The following FNBP1L variants were observed in gnomAD, a reference collection of about 807,000 sequenced individuals.
FNBP1L encodes the protein formin binding protein 1 like, also known as formin-binding protein 1-like.
In FNBP1L, 36 loss-of-function variants were observed where a neutral mutation model predicts 91.2. The ratio of observed to expected loss-of-function variants is 0.39; its 90% CI spans 0.30 to 0.52. The LOEUF (loss-of-function observed/expected upper bound fraction) is 0.52. FNBP1L is among the 20% of genes least tolerant of loss of function. FNBP1L has a pLI of 0.66. For missense variants in FNBP1L, 571 were observed against 732.1 expected (o/e 0.78, Z 2.54); for synonymous variants, 242 against 237.0 (o/e 1.02, Z -0.19).
intron 1 of FNBP1L, among the ~76,000 whole-genome samples, chr1:93,451,334 T>C (rs2101679116): frequency 6.6e-6 from 1 of 152,294 alleles, no homozygotes; most frequent in African/African-American, 2.4e-5. Flanking sequence ...GTTTTACTTA[T>C]TAAGAAATAG....
rs367857719 is a variant in FNBP1L at position 93,537,308 on chromosome 1, G to A, written c.1149+818G>A. On this transcript the variant is annotated intron_variant, in intron 10 of 16. Coordinates refer to ENST00000271234, the MANE Select transcript of FNBP1L (RefSeq NM_001164473.3). The stretch of plus-strand genomic sequence containing the variant: ...GATGAGAAATCAGTCTTTCAATGTC[G>A]TAAGAAGCCTAACAATAATAATCTA... 1.2e-4 allele frequency among the ~76,000 whole-genome samples: 19 copies of A among 152,104 alleles called. 1 individual carries two copies. The South Asian group carries it at 3.1e-3, about 25-fold the overall frequency.
intron 1 of FNBP1L, among the ~76,000 whole-genome samples, chr1:93,469,496 AT>A (rs1300552388): frequency 6.6e-6 from 1 of 152,130 alleles, no homozygotes; most frequent in Non-Finnish European, 1.5e-5. Flanking sequence ...ATTGATGGAC[AT>A]TTGGGTTGGT....
intron 7 of FNBP1L, among the ~76,000 whole-genome samples, chr1:93,531,559 G>A (rs1317666453): frequency 6.6e-6 from 1 of 152,098 alleles, no homozygotes; most frequent in East Asian, 1.9e-4. Context: ...GTGTCAGCCC[G>A]GGTACACTTT....
intron 5 of FNBP1L, among the ~76,000 whole-genome samples, chr1:93,527,495 C>A (rs1019961976): frequency 1.3e-5 from 2 of 152,124 alleles, no homozygotes; most frequent in African/African-American, 4.8e-5. Context: ...TTGAGATCCC[C>A]TGTTTGCTTC....
Position 93,500,402 on chromosome 1 carries a change from A to T in FNBP1L, c.140+819A>T, listed in dbSNP as rs374234986. On this transcript the variant is annotated intron_variant, in intron 2 of 16. Coordinates refer to ENST00000271234, the MANE Select transcript of FNBP1L (RefSeq NM_001164473.3). Reference sequence around the variant, plus strand: ...TTAGCTCTAGGTTTTACATCTTCATACCCCCATATCCTGGAGAAGAATGAT... The same window carrying T: ...TTAGCTCTAGGTTTTACATCTTCATTCCCCCATATCCTGGAGAAGAATGAT... Among the ~76,000 whole-genome samples, 4 of 151,978 alleles carry T rather than the reference A, an allele frequency of 2.6e-5. No individual in the cohort carries two copies. In the East Asian group the frequency reaches 7.7e-4, roughly 29 times the overall value.
At chr1:93,512,254 G>A (rs1670882437) in intron 2 of FNBP1L, among the ~76,000 whole-genome samples, 1 of 151,984 alleles carries the variant, frequency 6.6e-6, no homozygotes, top group Non-Finnish European at 1.5e-5. Flanking sequence ...AAATACAGGA[G>A]CACCCAGATT....
At chr1:93,479,182 C>T (rs1341325231) in intron 1 of FNBP1L, among the ~76,000 whole-genome samples, 1 of 152,106 alleles carries the variant, frequency 6.6e-6, no homozygotes, top group Non-Finnish European at 1.5e-5. Context: ...CCTACCTGAT[C>T]CCCAAAACCA....
intron 1 of FNBP1L, among the ~76,000 whole-genome samples, chr1:93,479,745 C>A (rs1570784543): frequency 6.6e-6 from 1 of 152,286 alleles, no homozygotes; most frequent in Non-Finnish European, 1.5e-5. Context: ...TGCCCAACCC[C>A]GCAGGCAGTC....
chr1:93,523,368 T>A lies in FNBP1L; in HGVS notation c.219T>A (p.Phe73Leu), dbSNP rs766939416. The change falls in exon 4 of 17, where the codon TTT (phenylalanine) becomes TTA (leucine). Residue 73 changes from phenylalanine to leucine, a missense_variant. By Grantham distance (22) the Phe-to-Leu change is conservative. Around this residue, in one of 5 missense-constraint regions of FNBP1L, gnomAD observed 220 missense variants for 313.6 expected, o/e 0.70. Transcript: ENST00000271234. ...EPRFTSCVAF[F>L]NILNELNDYA... ...GGTTTACCTCGTGTGTAGCCTTTTT[T>A]AATATCCTTAATGAGTTAAATGACT... The A allele has an allele frequency of 2.1e-5, 34 of 1,606,058 alleles. No individual in the cohort carries two copies. Among genetic ancestry groups the A allele is most frequent in the African/African-American group, 5.3e-5 (4 of 74,824 alleles).
chr1:93,545,696 C>A (rs2101772784), intron 12 of FNBP1L, among the ~76,000 whole-genome samples: 1 of 151,890 alleles, frequency 6.6e-6, no homozygotes, highest in South Asian at 2.1e-4. Context: ...GAGGTAGAAG[C>A]CTTTAACAAT....
chr1:93,535,769 A>G (rs1324696787), intron 9 of FNBP1L, among the ~76,000 whole-genome samples: 3 of 151,900 alleles, frequency 2.0e-5, no homozygotes, highest in African/African-American at 4.8e-5. Flanking sequence ...GACCTGTTTT[A>G]AGTCAGATCG....
intron 2 of FNBP1L, among the ~76,000 whole-genome samples, chr1:93,519,090 T>G (rs1432778750): frequency 6.6e-6 from 1 of 152,256 alleles, no homozygotes; most frequent in Non-Finnish European, 1.5e-5. Flanking sequence ...ATAGTAGCTT[T>G]GCTGATATTT....
At chr1:93,455,175 G>T (rs763160006) in intron 1 of FNBP1L, among the ~76,000 whole-genome samples, 5 of 152,122 alleles carry the variant, frequency 3.3e-5, no homozygotes, top group Non-Finnish European at 7.4e-5. Context: ...TGGTCCACCC[G>T]CCTCGGCCTC....
At chr1:93,499,399 A>T in intron 1 of FNBP1L, 69 bp from the exon 2 acceptor site, 1 of 962,688 alleles carries the variant, frequency 1.0e-6, no homozygotes, top group South Asian at 1.5e-5. Context: ...CAAATACCAG[A>T]AGCTGTTAAA....
At position 93,534,833 on chromosome 1, in the gene FNBP1L, G is replaced by A. The variant is rs369621739; in HGVS notation, c.915G>A (p.Glu305=). 6.3e-7 allele frequency: 1 copy of A among 1,579,020 alleles called. No homozygotes were observed. Among genetic ancestry groups the A allele is most frequent in the Non-Finnish European group, 8.6e-7 (1 of 1,161,100 alleles). Reference sequence around the variant, plus strand: ...GGACTATCAGTGCATCCAAACAGGAGAGTGGGAAGATGGATGCCAAAACCA... The same window carrying A: ...GGACTATCAGTGCATCCAAACAGGAAAGTGGGAAGATGGATGCCAAAACCA... ...SDGTISASKQ[E]SGKMDAKTTV... The change falls in exon 9 of 17, where the codon GAG becomes GAA. Residue 305 remains glutamate, a synonymous_variant. Transcript: ENST00000271234.
chr1:93,501,406 A>G (rs1161475057), intron 2 of FNBP1L, among the ~76,000 whole-genome samples: 1 of 152,180 alleles, frequency 6.6e-6, no homozygotes, highest in Non-Finnish European at 1.5e-5. Context: ...CTTCTGGCAC[A>G]GGGTTTTGAT....
intron 2 of FNBP1L, among the ~76,000 whole-genome samples, chr1:93,507,442 C>T (rs1403138349): frequency 1.3e-5 from 2 of 152,010 alleles, no homozygotes; most frequent in African/African-American, 4.8e-5. Context: ...TTAGGAACAA[C>T]CTGAATGCTT....
At chr1:93,479,854 A>T (rs1474240954) in intron 1 of FNBP1L, among the ~76,000 whole-genome samples, 1 of 152,156 alleles carries the variant, frequency 6.6e-6, no homozygotes, top group Non-Finnish European at 1.5e-5. Context: ...CACGTTTTAC[A>T]ATCAGTTTGT....
At chr1:93,451,702 A>G (rs1290830457) in intron 1 of FNBP1L, among the ~76,000 whole-genome samples, 4 of 152,012 alleles carry the variant, frequency 2.6e-5, no homozygotes, top group African/African-American at 9.7e-5. Flanking sequence ...CCTAGCCTGG[A>G]GTGCAGTGGT....
Sources: allele counts gnomAD v4.1 joint callset (sites outside exome capture counted in the v4.1 genomes callset), GRCh38; gene constraint gnomAD v4.1.1; regional missense constraint gnomAD v4.1.1; transcripts MANE v1.5; gene names NCBI Gene and HGNC (gene_info 2026-07-23, HGNC 2026-07-21).